CTNNAL1: variants seen among roughly 807,000 people sequenced by gnomAD.
CTNNAL1 encodes catenin alpha like 1.
In CTNNAL1, 69 loss-of-function variants were observed where a neutral mutation model predicts 93.6. The ratio of observed to expected loss-of-function variants is 0.74; its 90% CI spans 0.61 to 0.90. CTNNAL1 has a LOEUF of 0.90. Ranked by LOEUF, CTNNAL1 falls within the 40% of genes least tolerant of loss-of-function variation. The pLI, the probability that CTNNAL1 is intolerant of heterozygous loss-of-function variation, is 0.00. For missense variants in CTNNAL1, 836 were observed against 862.0 expected (o/e 0.97, Z 0.38); for synonymous variants, 286 against 305.4 (o/e 0.94, Z 0.66).
chr9:108,990,574 T>C, intron 4 of CTNNAL1, 152 bp downstream of exon 4: 1 of 885,908 alleles, frequency 1.1e-6, no homozygotes, highest in Non-Finnish European at 1.6e-6. Context: ...TCTACTTACT[T>C]TATCCTGGCT....
chr9:108,995,210 T>G (rs149081905), intron 2 of CTNNAL1, among the ~76,000 whole-genome samples: 4 of 152,182 alleles, frequency 2.6e-5, no homozygotes, highest in Non-Finnish European at 4.4e-5. Context: ...GTGCTTAGAA[T>G]TAACCTTAAG....
chr9:108,979,308 C>G lies in CTNNAL1; in HGVS notation c.1074G>C (p.Gln358His). 5 of 1,614,136 alleles carry G rather than the reference C, an allele frequency of 3.1e-6. No individual in the cohort carries two copies. The highest frequency in any genetic ancestry group is 2.2e-5 in the East Asian group (1 of 44,876). The change falls in exon 7 of 19, where the codon CAG becomes CAC. Residue 358 changes from glutamine (Q) to histidine (H), a missense_variant. Physicochemically the swap from Gln to His is conservative, Grantham distance 24. Coordinates refer to ENST00000325551, the MANE Select transcript of CTNNAL1 (RefSeq NM_003798.4). ...ELSTQARMEL[Q>H]QLISVWIQAQ... ...CTTGAATCCACACAGAAATTAACTG[C>G]TGCAGTTCCATTCTCGCCTGAGTTG...
intron 11 of CTNNAL1, among the ~76,000 whole-genome samples, chr9:108,962,592 G>A (rs1291034744): frequency 6.6e-6 from 1 of 152,164 alleles, no homozygotes; most frequent in African/African-American, 2.4e-5. Flanking sequence ...GTTTTCTACG[G>A]TGGGGCCAGA....
At chr9:108,965,255 A>T in intron 11 of CTNNAL1, 123 bp downstream of exon 11, 1 of 745,588 alleles carries the variant, frequency 1.3e-6, no homozygotes, top group Non-Finnish European at 2.0e-6. Context: ...ACAATATTTT[A>T]CTACAAAAAT....
chr9:108,986,307 T>C (rs1357068364), intron 4 of CTNNAL1, among the ~76,000 whole-genome samples: 2 of 151,048 alleles, frequency 1.3e-5, no homozygotes, highest in Non-Finnish European at 2.9e-5. Flanking sequence ...GATAGTTTAC[T>C]GAGAATGATG....
Position 108,983,256 on chromosome 9 carries a change from G to A in CTNNAL1, c.789C>T (p.Asp263=), listed in dbSNP as rs1373211610. The A allele has an allele frequency of 1.9e-6, 3 of 1,594,232 alleles. No homozygotes were observed. The highest frequency in any genetic ancestry group is 3.3e-4 in the Middle Eastern group (2 of 6,002). The change falls in exon 6 of 19, where the codon GAC becomes GAT. Residue 263 remains aspartate (D), a synonymous_variant. Coordinates refer to ENST00000325551, the MANE Select transcript of CTNNAL1 (RefSeq NM_003798.4). ...CCTTATCCAATGCCACTTTCATACG[G>A]TCAAATACTCCTTCTTTGTTTTTAT... ...SAHKNKEGVF[D]RMKVALDKVI... is the part of the protein sequence containing the mutation.
chr9:108,950,995 TA>T (rs1220717267), intron 14 of CTNNAL1, among the ~76,000 whole-genome samples: 3 of 151,982 alleles, frequency 2.0e-5, no homozygotes, highest in African/African-American at 7.2e-5. Context: ...TGGGTGGGAA[TA>T]GGGGGTGCTA....
rs957107406 is a variant in CTNNAL1, at chr9:109,009,086, G to C, written c.141+4216C>G. On this transcript the variant is annotated intron_variant, in intron 1 of 18. Transcript: ENST00000325551. ...ATTTTTTGTATTTTTTGTAGAGACG[G>C]GGTTTCACCATGTTGCCCAGGCTGG... 3.3e-5 allele frequency among the ~76,000 whole-genome samples: 5 copies of C among 151,530 alleles called. No individual in the cohort carries two copies. In the East Asian group the frequency reaches 9.7e-4, roughly 29 times the overall value.
At chr9:108,943,100 T>C (rs1830292726) in intron 17 of CTNNAL1, 56 bp from the exon 18 acceptor site, 2 of 1,441,776 alleles carry the variant, frequency 1.4e-6, no homozygotes, top group African/African-American at 2.9e-5. Context: ...TAAAAGACCT[T>C]ACCATTTATT....
At chr9:108,970,956 T>C (rs567609344) in intron 9 of CTNNAL1, among the ~76,000 whole-genome samples, 91 of 152,340 alleles carry the variant, frequency 6.0e-4, no homozygotes, top group African/African-American at 2.1e-3. Context: ...CAGACTGGTA[T>C]AATAAGGACA....
chr9:108,951,762 TAATG>T (rs1268823254), intron 14 of CTNNAL1, among the ~76,000 whole-genome samples: 3 of 152,210 alleles, frequency 2.0e-5, no homozygotes, highest in Non-Finnish European at 4.4e-5. Flanking sequence ...ATTCTCTACA[TAATG>T]AATGGTGACT....
At chr9:108,981,733 T>C (rs1441108207) in intron 6 of CTNNAL1, among the ~76,000 whole-genome samples, 2 of 152,264 alleles carry the variant, frequency 1.3e-5, no homozygotes, top group East Asian at 3.9e-4. Flanking sequence ...GAGACCAGCC[T>C]GGCCAACATG....
chr9:109,008,160 T>TC (rs1380400709), intron 1 of CTNNAL1, among the ~76,000 whole-genome samples: 2 of 141,888 alleles, frequency 1.4e-5, no homozygotes, highest in Non-Finnish European at 3.1e-5. Flanking sequence ...TTCTTTTTTT[T>TC]TTTTTTTTTT....
At position 108,977,617 on chromosome 9, in the gene CTNNAL1, A is replaced by G. The variant is rs142934251; in HGVS notation, c.1102-569T>C. On this transcript the variant is annotated intron_variant, in intron 7 of 18. Transcript: ENST00000325551. ...TTTATTTTTTGTTTGTTTAAAGTCT[A>G]TCTTCCCCACTAGGCCACGAAAGCT... is the stretch of plus-strand genomic sequence containing the variant. Among the ~76,000 whole-genome samples the G allele has an allele frequency of 2.1e-3, 325 of 152,294 alleles. 3 individuals are homozygous for G. Among genetic ancestry groups the G allele is most frequent in the African/African-American group, 7.2e-3 (299 of 41,556 alleles).
chr9:108,943,169 T>C (rs1830295027), intron 17 of CTNNAL1, 125 bp from the exon 18 acceptor site: 5 of 894,746 alleles, frequency 5.6e-6, no homozygotes, highest in South Asian at 5.6e-5. Context: ...GAAAGAGATA[T>C]GGATTTAGGC....
intron 3 of CTNNAL1, 36 bp from the exon 4 acceptor site, chr9:108,990,881 G>A (rs377724565): frequency 1.3e-6 from 2 of 1,593,360 alleles, no homozygotes; most frequent in African/African-American, 1.3e-5. Flanking sequence ...TTTGGTGAGA[G>A]CTACTCAAGA....
chr9:108,974,014 G>A (rs767699083), intron 8 of CTNNAL1, among the ~76,000 whole-genome samples: 5 of 152,186 alleles, frequency 3.3e-5, no homozygotes, highest in Non-Finnish European at 7.3e-5. Flanking sequence ...AATATCTAAT[G>A]CCAGTCATTT....
chr9:108,969,123 A>T (rs1831037983), intron 10 of CTNNAL1, among the ~76,000 whole-genome samples: 1 of 152,026 alleles, frequency 6.6e-6, no homozygotes, highest in South Asian at 2.1e-4. Context: ...TAAAAAAATT[A>T]GCCAGACGTG....
chr9:108,959,238 G>A (rs1052869572), intron 11 of CTNNAL1, among the ~76,000 whole-genome samples: 5 of 151,550 alleles, frequency 3.3e-5, no homozygotes, highest in African/African-American at 2.4e-5. Context: ...GGTGGTGGGC[G>A]CCTGTAGTCC....
Sources: gnomAD v4.1 joint callset for allele counts (sites outside exome capture counted in the v4.1 genomes callset) on GRCh38, gnomAD v4.1.1 for gene constraint, MANE v1.5 for transcripts, NCBI Gene and HGNC (gene_info 2026-07-23, HGNC 2026-07-21) for gene names.